Variants in CFAP53 observed in about 807,000 individuals in gnomAD.
CFAP53 encodes the protein cilia and flagella associated protein 53.
CFAP53 carries 62 observed loss-of-function variants against 59.7 expected under a neutral mutation model. The ratio of observed to expected loss-of-function variants is 1.04; its 90% CI spans 0.85 to 1.28. CFAP53 has a LOEUF of 1.28. Among genes scored for constraint, CFAP53 ranks in the 50% most tolerant of loss-of-function variants. The pLI, the probability that CFAP53 is intolerant of heterozygous loss-of-function variation, is 0.00. For missense variants in CFAP53, 629 were observed against 615.6 expected, an observed-to-expected ratio of 1.02 and a Z score of -0.23; for synonymous variants, 218 against 205.7, an observed-to-expected ratio of 1.06 and a Z score of -0.51.
intron 1 of CFAP53, 123 bp from the exon 2 acceptor site, chr18:50,262,342 C>T (rs1385931456): frequency 2.8e-6 from 2 of 705,892 alleles, no homozygotes; most frequent in Non-Finnish European, 2.4e-6. Flanking sequence ...CTAATACATC[C>T]TACTACAACT....
intron 3 of CFAP53, among the ~76,000 whole-genome samples, chr18:50,260,410 C>T (rs1209729432): frequency 6.6e-6 from 1 of 152,112 alleles, no homozygotes; most frequent in Non-Finnish European, 1.5e-5. Context: ...GCCTGTAATC[C>T]TAATACTTTG....
chr18:50,258,308 C>T (rs1436326145), intron 3 of CFAP53, among the ~76,000 whole-genome samples: 1 of 152,162 alleles, frequency 6.6e-6, no homozygotes, highest in African/African-American at 2.4e-5. Flanking sequence ...TACACACTTA[C>T]AGTGAACTCG....
intron 3 of CFAP53, among the ~76,000 whole-genome samples, chr18:50,258,437 TA>T (rs1193518596): frequency 6.6e-6 from 1 of 152,184 alleles, no homozygotes; most frequent in Non-Finnish European, 1.5e-5. Flanking sequence ...TCTTTCATCA[TA>T]TGCAAAAATC....
Position 50,265,006 on chromosome 18 carries a change from G to C in CFAP53, c.69+1330C>G, listed in dbSNP as rs558355285. ...GGAGCAGGTCTATAGGTTGACTGAA[G>C]TTTGCTATGTGCACTGTGGAGCATA... is the stretch of plus-strand genomic sequence containing the variant. On this transcript the variant is annotated intron_variant, in intron 1 of 7. Transcript: ENST00000398545. 5.9e-5 allele frequency among the ~76,000 whole-genome samples: 9 copies of C among 152,316 alleles called. No homozygotes were observed. The South Asian group carries it at 8.3e-4, about 14-fold the overall frequency.
At chr18:50,242,715 G>T (rs1188528316) in intron 6 of CFAP53, among the ~76,000 whole-genome samples, 185 bp downstream of exon 6, 1 of 152,110 alleles carries the variant, frequency 6.6e-6, no homozygotes, top group African/African-American at 2.4e-5. Context: ...TGACTGATTG[G>T]AATCTGCTGG....
intron 6 of CFAP53, among the ~76,000 whole-genome samples, chr18:50,242,230 T>C (rs2033696990): frequency 6.6e-6 from 1 of 152,224 alleles, no homozygotes; most frequent in South Asian, 2.1e-4. Flanking sequence ...ACACACATTT[T>C]ACAAACAATT....
chr18:50,265,816 T>G (rs992864211), intron 1 of CFAP53, among the ~76,000 whole-genome samples: 2 of 152,248 alleles, frequency 1.3e-5, no homozygotes, highest in Admixed American at 6.5e-5. Flanking sequence ...GGGACACTTC[T>G]GTCCAGCAAT....
chr18:50,255,694 G>T (rs138435646), intron 3 of CFAP53, among the ~76,000 whole-genome samples: 63 of 152,020 alleles, frequency 4.1e-4, no homozygotes, highest in African/African-American at 1.4e-3. Flanking sequence ...TCTACTCCAG[G>T]TATCAAATAT....
intron 7 of CFAP53, among the ~76,000 whole-genome samples, chr18:50,231,404 A>T (rs2033582332): frequency 6.6e-6 from 1 of 152,124 alleles, no homozygotes; most frequent in Non-Finnish European, 1.5e-5. Context: ...CTCTCTCCTT[A>T]TGAGGAAGCC....
intron 5 of CFAP53, among the ~76,000 whole-genome samples, chr18:50,245,388 CAAAA>C (rs57613061): frequency 2.1e-5 from 2 of 94,048 alleles, no homozygotes; most frequent in Non-Finnish European, 4.3e-5. Context: ...GACTCCGTCT[CAAAA>C]AAAAAAAAAA....
At chr18:50,254,408 C>T (rs1340329710) in intron 3 of CFAP53, among the ~76,000 whole-genome samples, 2 of 151,988 alleles carry the variant, frequency 1.3e-5, no homozygotes, top group African/African-American at 4.8e-5. Flanking sequence ...CCAATTAAGC[C>T]CATGATGAGA....
chr18:50,255,377 T>C lies in CFAP53; in HGVS notation c.474-3593A>G, dbSNP rs1408018946. On this transcript the variant is annotated intron_variant, in intron 3 of 7. Coordinates refer to ENST00000398545, the MANE Select transcript of CFAP53 (RefSeq NM_145020.5). ...GTTCTGTATCTTGATTGTAGGGTGG[T>C]TACACAGTCTACAGGTGATAAAATG... Among the ~76,000 whole-genome samples the C allele has an allele frequency of 2.0e-5, 3 of 152,198 alleles. No homozygotes were observed. The East Asian group carries it at 5.8e-4, about 29-fold the overall frequency.
At chr18:50,263,118 G>A (rs1012390377) in intron 1 of CFAP53, among the ~76,000 whole-genome samples, 2 of 152,168 alleles carry the variant, frequency 1.3e-5, no homozygotes, top group Non-Finnish European at 2.9e-5. Context: ...GTCCTCAATA[G>A]AAATGAATGA....
rs764893815 is a variant in CFAP53 at position 50,238,612 on chromosome 18, T to C, written c.1307A>G (p.Asn436Ser). Residue 436 changes from asparagine to serine, a missense_variant, in exon 7 of 8, where the codon AAT becomes AGT. Transcript: ENST00000398545. ...GAAAACAAAATCATACCTTGCAAAA[T>C]TCTCCTTCTCTTCACAGTTAAGTTC... is the stretch of plus-strand genomic sequence containing the variant. ...LKELNCEEKE[N>S]FARRQRLAQE... is the part of the protein sequence containing the mutation. The C allele has an allele frequency of 3.7e-6, 6 of 1,606,540 alleles. No individual in the cohort carries two copies. Among genetic ancestry groups the C allele is most frequent in the South Asian group, 3.3e-5 (3 of 89,706 alleles).
intron 5 of CFAP53, among the ~76,000 whole-genome samples, chr18:50,249,598 T>G (rs973386398): frequency 6.6e-6 from 1 of 152,138 alleles, no homozygotes; most frequent in African/African-American, 2.4e-5. Flanking sequence ...TCCTGAGGGT[T>G]ATGCTAAGTG....
Position 50,229,122 on chromosome 18 carries a change from A to C in CFAP53, c.1317-1513T>G, listed in dbSNP as rs188993459. On this transcript the variant is annotated intron_variant, in intron 7 of 7. Coordinates refer to ENST00000398545, the MANE Select transcript of CFAP53 (RefSeq NM_145020.5). The stretch of plus-strand genomic sequence containing the variant: ...ACAAAAACAAACAAACAAAACCCAC[A>C]TAACAAATTTACATCTTAACCATTT... Among the ~76,000 whole-genome samples, 260 of 152,256 alleles carry C rather than the reference A, an allele frequency of 1.7e-3. 2 individuals carry two copies. Among genetic ancestry groups the C allele is most frequent in the African/African-American group, 5.6e-3 (234 of 41,566 alleles).
At chr18:50,242,566 G>T (rs747735824) in intron 6 of CFAP53, among the ~76,000 whole-genome samples, 1 of 152,124 alleles carries the variant, frequency 6.6e-6, no homozygotes, top group African/African-American at 2.4e-5. Flanking sequence ...GATAACTTTC[G>T]AAAGAAAAGA....
chr18:50,265,155 A>G (rs2033931980), intron 1 of CFAP53, among the ~76,000 whole-genome samples: 1 of 152,146 alleles, frequency 6.6e-6, no homozygotes, highest in African/African-American at 2.4e-5. Flanking sequence ...CAATTGGATT[A>G]CAAGTTGAGC....
At chr18:50,266,285 G>A (rs747866934) in intron 1 of CFAP53, 51 bp downstream of exon 1, 4 of 1,575,944 alleles carry the variant, frequency 2.5e-6, no homozygotes, top group Non-Finnish European at 2.6e-6. Context: ...GGCCTGGAGT[G>A]CGGAGAGATG....
Sources: gnomAD v4.1 joint callset for allele counts (sites outside exome capture counted in the v4.1 genomes callset) on GRCh38, gnomAD v4.1.1 for gene constraint, MANE v1.5 for transcripts, NCBI Gene and HGNC (gene_info 2026-07-23, HGNC 2026-07-21) for gene names.